Variants in TRAPPC2 observed in about 807,000 individuals in gnomAD.
TRAPPC2 encodes trafficking protein particle complex subunit 2.
Under a neutral mutation model 10.0 loss-of-function variants are expected in TRAPPC2, and 4 were observed. That is an observed-to-expected ratio of 0.40 (90% CI 0.20 to 0.92). TRAPPC2 has a LOEUF of 0.92. TRAPPC2 is among the 40% of genes least tolerant of loss of function. The pLI, the probability that TRAPPC2 is intolerant of heterozygous loss-of-function variation, is 0.35. For missense variants in TRAPPC2, 52 were observed against 108.7 expected (o/e 0.48, Z 2.32); for synonymous variants, 36 against 37.3 (o/e 0.97, Z 0.12).
intron 2 of TRAPPC2, among the ~76,000 whole-genome samples, chrX:13,728,030 C>G (rs2046591016): frequency 8.9e-6 from 1 of 112,194 alleles, no homozygotes; most frequent in Admixed American, 9.4e-5. Context: ...GACACATACA[C>G]TCTCCCAAGG....
intron 2 of TRAPPC2, among the ~76,000 whole-genome samples, chrX:13,728,188 C>G (rs994367593): frequency 8.9e-6 from 1 of 112,114 alleles, no homozygotes; most frequent in Non-Finnish European, 1.9e-5. Context: ...GGAGCTGGTA[C>G]CATTCCTTCT....
At chrX:13,718,640 C>T (rs1011492320) in intron 3 of TRAPPC2, among the ~76,000 whole-genome samples, 2 of 112,018 alleles carry the variant, frequency 1.8e-5, no homozygotes, top group Non-Finnish European at 3.8e-5. Context: ...GTCACAACTC[C>T]ACCTCATAGA....
intron 4 of TRAPPC2, 161 bp from the exon 5 acceptor site, chrX:13,716,250 A>G: frequency 1.5e-6 from 1 of 647,744 alleles, no homozygotes; most frequent in Non-Finnish European, 2.3e-6. Flanking sequence ...TCATAAAGAG[A>G]ACATAAGCTT....
chrX:13,718,861 C>T (rs1489748820), intron 3 of TRAPPC2, among the ~76,000 whole-genome samples: 1 of 111,722 alleles, frequency 9.0e-6, no homozygotes, highest in Non-Finnish European at 1.9e-5. Context: ...CGTGTCAAAA[C>T]TCTACAGGTC....
At chrX:13,725,054 G>A (rs1299944922) in intron 2 of TRAPPC2, among the ~76,000 whole-genome samples, 1 of 113,066 alleles carries the variant, frequency 8.8e-6, no homozygotes, top group Non-Finnish European at 1.9e-5. Context: ...GGGGAGGGGT[G>A]TCCGCCATTG....
At chrX:13,727,479 C>T (rs1490913476) in intron 2 of TRAPPC2, among the ~76,000 whole-genome samples, 1 of 112,273 alleles carries the variant, frequency 8.9e-6, no homozygotes, top group Non-Finnish European at 1.9e-5. Flanking sequence ...GGAAATTGAA[C>T]AACTTGCTCC....
chrX:13,723,479 G>A (rs1292819857), intron 2 of TRAPPC2, among the ~76,000 whole-genome samples: 1 of 111,591 alleles, frequency 9.0e-6, no homozygotes, highest in Non-Finnish European at 1.9e-5. Context: ...GATTCCAAAC[G>A]TTTTATAAAA....
At chrX:13,726,370 T>A (rs911549723) in intron 2 of TRAPPC2, among the ~76,000 whole-genome samples, 1 of 111,823 alleles carries the variant, frequency 8.9e-6, no homozygotes, top group African/African-American at 3.3e-5. Context: ...AAAGGTCGGG[T>A]TACCCACAAA....
chrX:13,716,375 T>C (rs2046285748), intron 4 of TRAPPC2, 159 bp downstream of exon 4: 7 of 664,911 alleles, frequency 1.1e-5, no homozygotes, highest in East Asian at 7.1e-5. Flanking sequence ...AAAATGTTTT[T>C]CCCCCCTAAA....
intron 3 of TRAPPC2, among the ~76,000 whole-genome samples, chrX:13,718,506 A>T (rs2046343059): frequency 1.8e-5 from 2 of 112,514 alleles, no homozygotes; most frequent in South Asian, 7.3e-4. Context: ...TTTGTCCAAC[A>T]CAAGGGCAGT....
chrX:13,726,876 G>A (rs971116473), intron 2 of TRAPPC2, among the ~76,000 whole-genome samples: 1 of 111,794 alleles, frequency 8.9e-6, no homozygotes, highest in Non-Finnish European at 1.9e-5. Flanking sequence ...GATGTGCAAA[G>A]ACACACATAG....
chrX:13,716,829 ATC>A lies in TRAPPC2; in HGVS notation c.94-153_94-152del, dbSNP rs2046297685. The A allele has an allele frequency of 7.6e-6, 4 of 529,236 alleles. No individual in the cohort carries two copies. In the Admixed American group the frequency reaches 1.5e-4, roughly 20 times the overall value. 43.6% of individuals were successfully genotyped at this position (529,236 alleles called of 1,213,427 possible). ...GTTATTGTCATGAGACTTATAAAAG[ATC>A]TGTTTTCATATTATATTCTATTTTT... On this transcript the variant is annotated intron_variant, in intron 3 of 5. Transcript: ENST00000380579.
At chrX:13,718,846 C>G (rs930128868) in intron 3 of TRAPPC2, among the ~76,000 whole-genome samples, 2 of 111,722 alleles carry the variant, frequency 1.8e-5, no homozygotes, top group African/African-American at 6.5e-5. Flanking sequence ...GAACTGGGCT[C>G]TTCTCGTGTC....
At chrX:13,725,003 G>A (rs752641049) in intron 2 of TRAPPC2, among the ~76,000 whole-genome samples, 29 of 113,232 alleles carry the variant, frequency 2.6e-4, no homozygotes, top group Non-Finnish European at 4.3e-4. Flanking sequence ...CACTGCTAGC[G>A]CAGCAGTCTG....
At chrX:13,720,495 T>TA (rs1464024773) in intron 2 of TRAPPC2, 1 of 112,598 alleles carries the variant, frequency 8.9e-6, no homozygotes, top group African/African-American at 3.2e-5. Flanking sequence ...TCATGTCACT[T>TA]ACCTAGAAAG....
At chrX:13,722,947 C>T (rs1412500485) in intron 2 of TRAPPC2, among the ~76,000 whole-genome samples, 2 of 110,094 alleles carry the variant, frequency 1.8e-5, no homozygotes, top group Non-Finnish European at 3.8e-5. Flanking sequence ...CCTGTAGTCC[C>T]AGCTACTCGG....
At position 13,713,981 on chromosome X, in the gene TRAPPC2, TAA is replaced by T. The variant is rs1361339365; in HGVS notation, c.*424_*425del. On this transcript the variant is annotated 3_prime_UTR_variant, in exon 6 of 6. Coordinates refer to ENST00000380579, the MANE Select transcript of TRAPPC2 (RefSeq NM_001011658.4). ...CAATATGGTGAAACCCTGTCTCTAC[TAA>T]AAATACAAAAATTAGCCGGGCGTGG... The T allele has an allele frequency of 9.1e-6, 1 of 109,429 alleles. No individual in the cohort carries two copies. Among genetic ancestry groups the T allele is most frequent in the Non-Finnish European group, 1.9e-5 (1 of 52,602 alleles). The allele number at this position is 109,429 out of a possible 1,213,427, so 9.0% of individuals were successfully genotyped here.
In TRAPPC2 at chrX:13,719,973, T is replaced by C; in HGVS notation, c.-10A>G. 1 of 1,134,970 alleles carries C rather than the reference T, an allele frequency of 8.8e-7. No individual in the cohort carries two copies. The highest frequency in any genetic ancestry group is 1.8e-5 in the African/African-American group (1 of 55,274). 93.5% of individuals were successfully genotyped at this position (1,134,970 alleles called of 1,213,427 possible). On this transcript the variant is annotated 5_prime_UTR_variant, in exon 3 of 6. In the 5' UTR this introduces an upstream ATG that the reference lacks. Transcript: ENST00000380579. The stretch of plus-strand genomic sequence containing the variant: ...AGAAGCTCCCAGACATGGTCTTCAA[T>C]ATATGGCTCCTAATTAAGTGAAAAA...
intron 2 of TRAPPC2, among the ~76,000 whole-genome samples, chrX:13,724,777 G>A (rs911226540): frequency 3.0e-4 from 34 of 112,678 alleles, no homozygotes; most frequent in Non-Finnish European, 4.1e-4. Context: ...CATGGAGGGC[G>A]AGCTGAAGCA....
Sources: allele counts gnomAD v4.1 joint callset (sites outside exome capture counted in the v4.1 genomes callset), GRCh38; gene constraint gnomAD v4.1.1; transcripts MANE v1.5; gene names NCBI Gene and HGNC (gene_info 2026-07-23, HGNC 2026-07-21).